The following RUBCN variants were observed in gnomAD, a reference collection of about 807,000 sequenced individuals.
The protein encoded by RUBCN is run domain Beclin-1-interacting and cysteine-rich domain-containing protein.
RUBCN carries 74 observed loss-of-function variants against 113.2 expected under a neutral mutation model. The ratio of observed to expected loss-of-function variants is 0.65; its 90% CI spans 0.54 to 0.79. The LOEUF (loss-of-function observed/expected upper bound fraction) is 0.79, where lower values mean the gene tolerates loss of function less well. RUBCN is among the 30% of genes least tolerant of loss of function. The pLI is 0.00. For missense variants in RUBCN, 1,109 were observed against 1,251.7 expected (o/e 0.89, Z 1.72); for synonymous variants, 480 against 490.0 (o/e 0.98, Z 0.27).
At chr3:197,723,315 A>AATT (rs746125173) in intron 1 of RUBCN, among the ~76,000 whole-genome samples, 1 of 151,844 alleles carries the variant, frequency 6.6e-6, no homozygotes, top group Non-Finnish European at 1.5e-5. Flanking sequence ...GAGTAGTTGG[A>AATT]ATTAGAGTTA....
chr3:197,718,051 A>C lies in RUBCN; in HGVS notation c.145T>G (p.Ser49Ala). 2 of 1,614,176 alleles carry C rather than the reference A, an allele frequency of 1.2e-6. No homozygotes were observed. Among genetic ancestry groups the C allele is most frequent in the Non-Finnish European group, 1.7e-6 (2 of 1,180,022 alleles). ...AGCCGCTCCAAGCCACCATACTTAG[A>C]CCAGACGTTGGGGCTGTTGGTTGAT... The part of the protein sequence containing the change: ...LVSTNSPNVW[S>A]KYGGLERLCR... The change falls in exon 2 of 20, where the codon TCT becomes GCT. Residue 49 changes from serine to alanine, a missense_variant. Transcript: ENST00000296343.
rs545217147 is a variant in RUBCN, at chr3:197,669,082, T to C, written c.*5936A>G. Among the ~76,000 whole-genome samples the C allele has an allele frequency of 3.9e-5, 6 of 152,222 alleles. No individual in the cohort carries two copies. Among genetic ancestry groups the C allele is most frequent in the Non-Finnish European group, 7.3e-5 (5 of 68,038 alleles). ...TATAGGTAAACTTCTTAATCTGGAA[T>C]AATTTTAGATCCACAGTAAAGTTGC... On this transcript the variant is annotated 3_prime_UTR_variant, in exon 20 of 20. Transcript: ENST00000296343.
At chr3:197,740,562 A>G (rs1728486329), upstream of RUBCN, among the ~76,000 whole-genome samples, 1 of 152,196 alleles carries the variant, frequency 6.6e-6, no homozygotes, top group Non-Finnish European at 1.5e-5. Flanking sequence ...TCAATGTTAA[A>G]TTTTCTAAAC....
chr3:197,744,883 T>C (rs2109025183), intron 1 of RUBCN, among the ~76,000 whole-genome samples: 1 of 152,218 alleles, frequency 6.6e-6, no homozygotes, highest in South Asian at 2.1e-4. Context: ...ATAATAATAT[T>C]TATTCAGATT....
At position 197,683,431 on chromosome 3, in the gene RUBCN, C is replaced by T. The variant is rs1328494395; in HGVS notation, c.1856G>A (p.Cys619Tyr). 6.2e-7 allele frequency: 1 copy of T among 1,614,070 alleles called. No homozygotes were observed. Among genetic ancestry groups the T allele is most frequent in the Non-Finnish European group, 8.5e-7 (1 of 1,180,024 alleles). Residue 619 changes from cysteine (C) to tyrosine (Y), a missense_variant, in exon 13 of 20, where the codon TGC becomes TAC. Physicochemically the swap from Cys to Tyr is radical, Grantham distance 194 (BLOSUM62 -2). Transcript: ENST00000296343. This position sits in a 1 kb window ranked among gnomAD's most constrained non-coding sequence, Gnocchi z 4.6. ...CTCAGCAGACGTGGAGTGCAGGAAG[C>T]AGTGGGAGCTGGAAAGGGGAGAATC... Reference protein sequence around the residue: ...SFVSSQSFSHCFLHSTSAEAV... With the variant: ...SFVSSQSFSHYFLHSTSAEAV...
chr3:197,676,328 T>A (rs1273583307), intron 18 of RUBCN: 7 of 1,000,712 alleles, frequency 7.0e-6, no homozygotes, highest in Non-Finnish European at 7.2e-6. Flanking sequence ...TCATGACAAC[T>A]GCCTTTTTTT....
At position 197,674,744 on chromosome 3, in the gene RUBCN, C is replaced by T. The variant is rs76594274; in HGVS notation, c.*274G>A. On this transcript the variant is annotated 3_prime_UTR_variant, in exon 20 of 20. Coordinates refer to ENST00000296343, the MANE Select transcript of RUBCN (RefSeq NM_014687.4). ...TTGCTGTCTCTTCCACTGACAGAGG[C>T]ACTAGAAGCTTCACTGAAGGACCCG... 0.075 allele frequency: 36,930 copies of T among 493,550 alleles called. 1,604 individuals carry two copies. Among genetic ancestry groups the T allele is most frequent in the African/African-American group, 0.09 (4,497 of 50,102 alleles). 30.6% of individuals were successfully genotyped at this position (493,550 alleles called of 1,614,324 possible). A position where few individuals can be genotyped will look rare whatever the true frequency, so the allele number is the denominator to read the frequency against.
At chr3:197,704,471 A>G (rs1028553120) in intron 4 of RUBCN, 71 bp downstream of exon 4, 47 of 1,410,886 alleles carry the variant, frequency 3.3e-5, no homozygotes, top group Non-Finnish European at 4.6e-5. Context: ...CTGGTACCAG[A>G]GGGGTAGAGG....
chr3:197,693,621 A>G (rs2108882509), intron 11 of RUBCN, 94 bp downstream of exon 11: 1 of 868,670 alleles, frequency 1.2e-6, no homozygotes, highest in East Asian at 2.6e-5. Context: ...ATCCATAATG[A>G]AGATCTTCTA....
At chr3:197,725,081 A>G (rs1726587552) in intron 1 of RUBCN, among the ~76,000 whole-genome samples, 1 of 152,182 alleles carries the variant, frequency 6.6e-6, no homozygotes, top group South Asian at 2.1e-4. Context: ...CAGAAGCTGG[A>G]AAGTACCATA....
At chr3:197,700,056 G>C (rs188865863) in intron 7 of RUBCN, among the ~76,000 whole-genome samples, 263 of 152,298 alleles carry the variant, frequency 1.7e-3, no homozygotes, top group Middle Eastern at 0.014. Flanking sequence ...TGTTTGGTGA[G>C]GGAGGTCCCA....
intron 1 of RUBCN, among the ~76,000 whole-genome samples, chr3:197,719,498 A>AG (rs397944685): frequency 6.6e-6 from 1 of 150,930 alleles, no homozygotes; most frequent in African/African-American, 2.4e-5. Flanking sequence ...AAAAAAAAAA[A>AG]GAACATGATA....
chr3:197,695,942 C>T lies in RUBCN; in HGVS notation c.1397G>A (p.Arg466Gln), dbSNP rs777685069. The change falls in exon 9 of 20, where the codon CGA (arginine) becomes CAA (glutamine). Residue 466 changes from arginine to glutamine, a missense_variant. By Grantham distance (43) the Arg-to-Gln change is conservative. This residue lies in a region of RUBCN where 736 missense variants were observed against 779.6 expected (regional missense o/e 0.94). Transcript: ENST00000296343. ...GAGGGACTGTCCTTCTGATGGTCTT[C>T]GGAACATGCCTTCCCCTGAGCACAG... The part of the protein sequence containing the change: ...RYLCSGEGMF[R>Q]RPSEGQSLIS... 5.6e-6 allele frequency: 9 copies of T among 1,614,008 alleles called. No homozygotes were observed. The highest frequency in any genetic ancestry group is 2.2e-5 in the South Asian group (2 of 91,088).
intron 16 of RUBCN, among the ~76,000 whole-genome samples, chr3:197,678,843 C>T (rs547163354): frequency 1.5e-4 from 22 of 150,862 alleles, no homozygotes; most frequent in African/African-American, 5.4e-4. Context: ...CTCTAACTGA[C>T]AACTGGCTTC....
intron 6 of RUBCN, among the ~76,000 whole-genome samples, 180 bp downstream of exon 6, chr3:197,701,528 T>C (rs958801854): frequency 1.3e-5 from 2 of 152,244 alleles, no homozygotes; most frequent in African/African-American, 2.4e-5. Flanking sequence ...TCTCTTCTGT[T>C]ACTTCATGAT....
intron 13 of RUBCN, 117 bp from the exon 14 acceptor site, chr3:197,682,732 A>T: frequency 7.3e-7 from 1 of 1,360,718 alleles, no homozygotes; most frequent in Non-Finnish European, 1.0e-6. Context: ...GTAAGTTCAC[A>T]CGGACGGGCT....
rs1184187164 is a variant in RUBCN, at chr3:197,718,037, G to A, written c.159C>T (p.Gly53=). ...GCATGTCCCTGCAAAGCCGCTCCAA[G>A]CCACCATACTTAGACCAGACGTTGG... is the stretch of plus-strand genomic sequence containing the variant. ...NSPNVWSKYG[G]LERLCRDMQS... Residue 53 remains glycine, a synonymous_variant, in exon 2 of 20, where the codon GGC becomes GGT. Transcript: ENST00000296343. 3 of 1,614,066 alleles carry A rather than the reference G, an allele frequency of 1.9e-6. No homozygotes were observed. Among genetic ancestry groups the A allele is most frequent in the Non-Finnish European group, 2.5e-6 (3 of 1,180,044 alleles).
intron 5 of RUBCN, among the ~76,000 whole-genome samples, chr3:197,702,492 G>A (rs182624344): frequency 2.4e-4 from 36 of 152,128 alleles, no homozygotes; most frequent in African/African-American, 8.0e-4. Context: ...GTGAAACCCC[G>A]TCTCTACTAA....
At chr3:197,694,720 C>A in intron 9 of RUBCN, 135 bp from the exon 10 acceptor site, 1 of 787,508 alleles carries the variant, frequency 1.3e-6, no homozygotes, top group Non-Finnish European at 2.2e-6. Flanking sequence ...GACATTTCTA[C>A]TACGAGGAAA....
Sources: gnomAD v4.1 joint callset for allele counts (sites outside exome capture counted in the v4.1 genomes callset) on GRCh38, gnomAD v4.1.1 for gene constraint, gnomAD v4.1.1 regional missense constraint, Gnocchi (gnomAD v3.1) non-coding constraint, MANE v1.5 for transcripts, NCBI Gene and HGNC (gene_info 2026-07-23, HGNC 2026-07-21) for gene names.